The following ZNF451 variants were observed in gnomAD, a reference collection of about 807,000 sequenced individuals.
ZNF451 encodes zinc finger protein 451, also known as E3 SUMO-protein ligase ZNF451.
In ZNF451, 80 loss-of-function variants were observed where a neutral mutation model predicts 107.1. The observed-to-expected ratio is 0.75, with a 90% confidence interval of 0.62 to 0.90. The LOEUF is 0.90. Ranked by LOEUF, ZNF451 falls within the 40% of genes least tolerant of loss-of-function variation. The pLI, the probability that ZNF451 is intolerant of heterozygous loss-of-function variation, is 0.00. For missense variants in ZNF451, 1,107 were observed against 1,236.2 expected (o/e 0.90, Z 1.57); for synonymous variants, 362 against 406.5 (o/e 0.89, Z 1.32).
At chr6:57,103,527 GTATGGTA>G (rs1829704984) in intron 3 of ZNF451, 30 of 985,224 alleles carry the variant, frequency 3.0e-5, no homozygotes, top group Non-Finnish European at 3.3e-5. Flanking sequence ...GGTAGTGGAT[GTATGGTA>G]TATCAGCCCT....
At chr6:57,159,908 TTTAG>T (rs1417311608) in intron 13 of ZNF451, among the ~76,000 whole-genome samples, 1 of 152,208 alleles carries the variant, frequency 6.6e-6, no homozygotes, top group African/African-American at 2.4e-5. Flanking sequence ...ATGATTTGTA[TTTAG>T]TTAGGTGCTG....
intron 8 of ZNF451, 101 bp downstream of exon 8, chr6:57,141,556 G>C: frequency 9.3e-7 from 1 of 1,073,256 alleles, no homozygotes; most frequent in Non-Finnish European, 1.3e-6. Context: ...CCTCATCTTA[G>C]TTTTAGAACT....
In ZNF451 at chr6:57,128,790, C is replaced by T. The variant is rs1251210205; in HGVS notation, c.374C>T (p.Ser125Phe). 2 of 1,613,192 alleles carry T rather than the reference C, an allele frequency of 1.2e-6. No individual in the cohort carries two copies. Among genetic ancestry groups the T allele is most frequent in the Admixed American group, 3.3e-5 (2 of 59,928 alleles). ...GAATTGGAATTTATTCGAGGACATT[C>T]TGATACAGAAGCAGCAAGACTGTGT... ...LQELEFIRGH[S>F]DTEAARLCVD... The change falls in exon 5 of 15, where the codon TCT (serine) becomes TTT (phenylalanine). Residue 125 changes from serine (S) to phenylalanine (F), a missense_variant. By Grantham distance (155) the Ser-to-Phe change is radical. Coordinates refer to ENST00000370706, the MANE Select transcript of ZNF451 (RefSeq NM_001031623.3).
intron 5 of ZNF451, among the ~76,000 whole-genome samples, chr6:57,132,737 G>A (rs1391149655): frequency 6.6e-6 from 1 of 151,942 alleles, no homozygotes; most frequent in Non-Finnish European, 1.5e-5. Flanking sequence ...GCTGGGCATG[G>A]TGGCGTGCTC....
chr6:57,115,288 T>G (rs895725540), intron 3 of ZNF451: 2 of 152,192 alleles, frequency 1.3e-5, no homozygotes, highest in African/African-American at 4.8e-5. Flanking sequence ...TCTAATTGAT[T>G]GATCTATTAG....
chr6:57,102,598 A>G (rs1425431053), intron 3 of ZNF451: 1 of 986,466 alleles, frequency 1.0e-6, no homozygotes, highest in African/African-American at 1.7e-5. Context: ...CATCTGTTAA[A>G]ATGTCTTTAT....
At chr6:57,137,693 C>G (rs1717529994) in intron 7 of ZNF451, among the ~76,000 whole-genome samples, 1 of 152,166 alleles carries the variant, frequency 6.6e-6, no homozygotes, top group Admixed American at 6.5e-5. Flanking sequence ...TCTGTTGAAG[C>G]TACCACTGGT....
chr6:57,160,015 G>A (rs1351686822), intron 13 of ZNF451, among the ~76,000 whole-genome samples: 1 of 151,994 alleles, frequency 6.6e-6, no homozygotes, highest in Non-Finnish European at 1.5e-5. Flanking sequence ...TGATTTAAAT[G>A]TAGTTAAAGT....
chr6:57,119,127 G>A (rs1417373516), intron 3 of ZNF451, among the ~76,000 whole-genome samples: 2 of 152,046 alleles, frequency 1.3e-5, no homozygotes, highest in Non-Finnish European at 2.9e-5. Flanking sequence ...TGTTTGACTT[G>A]GCCAGTGCAC....
At chr6:57,092,901 C>T (rs1562583196) in intron 2 of ZNF451, 1 of 151,784 alleles carries the variant, frequency 6.6e-6, no homozygotes, top group Non-Finnish European at 1.5e-5. Flanking sequence ...AAAAATGGGC[C>T]CTCTCATTTA....
At chr6:57,133,916 T>C (rs1241429494) in intron 6 of ZNF451, among the ~76,000 whole-genome samples, 1 of 152,184 alleles carries the variant, frequency 6.6e-6, no homozygotes, top group Admixed American at 6.5e-5. Context: ...GCTCAAGCAT[T>C]CTGCCCACCT....
chr6:57,158,969 G>A lies in ZNF451; in HGVS notation c.3071-2115G>A, dbSNP rs969865822. ...ACCTAGGTGCTATGGAAGTGTAGATGATTGAAGCAGCATCATGGCCTGTGG... is the reference window on the plus strand; with the variant it reads ...ACCTAGGTGCTATGGAAGTGTAGATAATTGAAGCAGCATCATGGCCTGTGG... On this transcript the variant is annotated intron_variant, in intron 13 of 14. Transcript: ENST00000370706. The A allele has an allele frequency of 6.1e-6, 6 of 985,004 alleles. No individual in the cohort carries two copies. In the African/African-American group the frequency reaches 1.1e-4, roughly 17 times the overall value. The allele number at this position is 985,004 out of a possible 1,614,324, so 61.0% of individuals were successfully genotyped here.
At chr6:57,119,378 TTAGG>T (rs1226404991) in intron 3 of ZNF451, among the ~76,000 whole-genome samples, 1 of 151,844 alleles carries the variant, frequency 6.6e-6, no homozygotes, top group Non-Finnish European at 1.5e-5. Context: ...AATACAAAAA[TTAGG>T]TGGGTGGTGG....
Position 57,124,822 on chromosome 6 carries a change from A to G in ZNF451, c.275A>G (p.Glu92Gly). 6.2e-7 allele frequency: 1 copy of G among 1,611,242 alleles called. No homozygotes were observed. The highest frequency in any genetic ancestry group is 1.7e-5 in the Admixed American group (1 of 59,830). ...LARLARHVEV[E>G]KQQKEEKNRA... is the part of the protein sequence containing the mutation. ...CGTCTAGCCCGCCATGTTGAAGTGG[A>G]GAAACAGCAGAAAGAAGAGAAGAAT... The change falls in exon 4 of 15, where the codon GAG (glutamate) becomes GGG (glycine). Residue 92 changes from glutamate to glycine, a missense_variant. Coordinates refer to ENST00000370706, the MANE Select transcript of ZNF451 (RefSeq NM_001031623.3).
chr6:57,151,583 A>T (rs1428570104), intron 11 of ZNF451, among the ~76,000 whole-genome samples: 1 of 152,102 alleles, frequency 6.6e-6, no homozygotes, highest in Non-Finnish European at 1.5e-5. Context: ...ACTAATAAAT[A>T]GCAGAATTAT....
chr6:57,148,026 G>C lies in ZNF451; in HGVS notation c.1941G>C (p.Lys647Asn), dbSNP rs1832161149. ...SCAHCRKPFH[K>N]IETLYRHCQD... is the part of the protein sequence containing the mutation. ...CTCACTGCAGAAAGCCTTTTCATAAGATAGAAACATTGTACCGACATTGCC... is the reference window on the plus strand; with the variant it reads ...CTCACTGCAGAAAGCCTTTTCATAACATAGAAACATTGTACCGACATTGCC... Residue 647 changes from lysine (K) to asparagine (N), a missense_variant, in exon 10 of 15, where the codon AAG (lysine) becomes AAC (asparagine). This residue lies in a region of ZNF451 where 608 missense variants were observed against 649.2 expected (regional missense o/e 0.94). Coordinates refer to ENST00000370706, the MANE Select transcript of ZNF451 (RefSeq NM_001031623.3). 6.2e-7 allele frequency: 1 copy of C among 1,614,104 alleles called. No individual in the cohort carries two copies. Among genetic ancestry groups the C allele is most frequent in the Admixed American group, 1.7e-5 (1 of 60,022 alleles).
intron 3 of ZNF451, chr6:57,105,763 T>TA: frequency 3.0e-6 from 3 of 985,438 alleles, no homozygotes; most frequent in Non-Finnish European, 3.6e-6. Flanking sequence ...TTATATTTGA[T>TA]AAGTGGATGT....
chr6:57,159,083 T>C, intron 13 of ZNF451: 1 of 985,438 alleles, frequency 1.0e-6, no homozygotes, highest in Non-Finnish European at 1.2e-6. Flanking sequence ...AAACTATAGG[T>C]TGTTTCTTTG....
At chr6:57,158,160 G>A (rs1556245) in intron 13 of ZNF451, among the ~76,000 whole-genome samples, 17,554 of 152,164 alleles carry the variant, frequency 0.12, 1,224 homozygotes, top group African/African-American at 0.18. Flanking sequence ...ATCAACGACT[G>A]TGGTTGAGAC....
Sources: gnomAD v4.1 joint callset for allele counts (sites outside exome capture counted in the v4.1 genomes callset) on GRCh38, gnomAD v4.1.1 for gene constraint, gnomAD v4.1.1 regional missense constraint, MANE v1.5 for transcripts, NCBI Gene and HGNC (gene_info 2026-07-23, HGNC 2026-07-21) for gene names.